ARHGEF25: variants seen among roughly 807,000 people sequenced by gnomAD.
ARHGEF25 encodes RAC/CDC42 exchange factor.
Under a neutral mutation model 74.0 loss-of-function variants are expected in ARHGEF25, and 42 were observed. That is an observed-to-expected ratio of 0.57 (90% CI 0.44 to 0.73). ARHGEF25 has a LOEUF of 0.73. Among genes scored for constraint, ARHGEF25 ranks in the 30% least tolerant of loss-of-function variants. The pLI, the probability that ARHGEF25 is intolerant of heterozygous loss-of-function variation, is 0.00. For synonymous variants in ARHGEF25, 293 were observed against 278.6 expected (o/e 1.05, Z -0.51); for missense variants, 645 against 725.5 (o/e 0.89, Z 1.27).
rs940014418 is a variant in ARHGEF25 at position 57,613,910 on chromosome 12, C to A, written c.553-106C>A. 7.4e-6 allele frequency: 11 copies of A among 1,476,560 alleles called. No individual in the cohort carries two copies. In the African/African-American group the frequency reaches 1.1e-4, roughly 15 times the overall value. 91.5% of individuals were successfully genotyped at this position (1,476,560 alleles called of 1,614,324 possible). On this transcript the variant is annotated intron_variant, in intron 5 of 14. Transcript: ENST00000286494. ...TACTCTGGGGGCAGGGCGGCTCCCA[C>A]CAGGGAGGGGGAGGTGGAACACACC... is the stretch of plus-strand genomic sequence containing the variant.
intron 14 of ARHGEF25, 54 bp from the exon 15 acceptor site, chr12:57,616,730 A>C: frequency 7.7e-7 from 1 of 1,295,048 alleles, no homozygotes; most frequent in South Asian, 1.3e-5. Flanking sequence ...AAAAGAGAGA[A>C]GTGAGGGTAG....
Position 57,614,146 on chromosome 12 carries a change from G to C in ARHGEF25, c.656+27G>C. 1.2e-6 allele frequency: 2 copies of C among 1,611,066 alleles called. No homozygotes were observed. The highest frequency in any genetic ancestry group is 1.7e-6 in the Non-Finnish European group (2 of 1,177,458). On this transcript the variant is annotated intron_variant, in intron 6 of 14. Transcript: ENST00000286494. This position sits in a 1 kb window ranked among gnomAD's most constrained non-coding sequence, Gnocchi z 4.6. The stretch of plus-strand genomic sequence containing the variant: ...TGAGTGGTGGAACTCTGACAGCTAG[G>C]TGCTGGAGAGGGGCCCTCATCTGGT...
At chr12:57,613,541 C>T in intron 4 of ARHGEF25, 25 bp downstream of exon 4, 14 of 1,613,732 alleles carry the variant, frequency 8.7e-6, no homozygotes, top group Non-Finnish European at 1.2e-5. Flanking sequence ...CCCTTCCCTG[C>T]AGTTGCACAA....
Position 57,614,227 on chromosome 12 carries a change from T to C in ARHGEF25, c.657-104T>C, listed in dbSNP as rs1243320112. ...ACTTAAGGAATGTTTGGAGAAGTTT[T>C]GTAGGGCACACTACCAGGGCAGACA... On this transcript the variant is annotated intron_variant, in intron 6 of 14. Coordinates refer to ENST00000286494, the MANE Select transcript of ARHGEF25 (RefSeq NM_182947.4). The surrounding 1 kb of genome is among the most constrained non-coding windows in gnomAD (Gnocchi z 4.6). 17 of 1,580,242 alleles carry C rather than the reference T, an allele frequency of 1.1e-5. No individual in the cohort carries two copies. The highest frequency in any genetic ancestry group is 1.4e-5 in the Non-Finnish European group (16 of 1,150,274).
Position 57,612,891 on chromosome 12 carries a change from G to A in ARHGEF25, c.98-39G>A, listed in dbSNP as rs769212408. ...CTGGGGACCCTGAGTCTGGAGCTGGGGCAAGGTCTATCACCTCCTCTCTTT... is the reference window on the plus strand; with the variant it reads ...CTGGGGACCCTGAGTCTGGAGCTGGAGCAAGGTCTATCACCTCCTCTCTTT... On this transcript the variant is annotated intron_variant, in intron 1 of 14. Transcript: ENST00000286494. 3.1e-6 allele frequency: 5 copies of A among 1,593,396 alleles called. No individual in the cohort carries two copies. In the African/African-American group the frequency reaches 6.7e-5, roughly 21 times the overall value.
chr12:57,610,243 T>C, upstream of ARHGEF25: 1 of 1,591,728 alleles, frequency 6.3e-7, no homozygotes, highest in Non-Finnish European at 8.6e-7. Flanking sequence ...GCCCCGCCCC[T>C]GGCCGCACTG....
At position 57,613,659 on chromosome 12, in the gene ARHGEF25, G is replaced by A. The variant is rs374368333; in HGVS notation, c.486-35G>A. The A allele has an allele frequency of 8.7e-6, 14 of 1,613,014 alleles. No individual in the cohort carries two copies. In the African/African-American group the frequency reaches 1.9e-4, roughly 21 times the overall value. On this transcript the variant is annotated intron_variant, in intron 4 of 14. Transcript: ENST00000286494. ...GGCTGAACCAAGGATGAGCTCCGAC[G>A]CTGAAGTGGGGGCCTCCTCCTGCTT...
Position 57,616,368 on chromosome 12 carries a change from C to T in ARHGEF25, c.1505C>T (p.Pro502Leu). 6.2e-7 allele frequency: 1 copy of T among 1,614,092 alleles called. No homozygotes were observed. The highest frequency in any genetic ancestry group is 8.5e-7 in the Non-Finnish European group (1 of 1,180,008). The change falls in exon 14 of 15, where the codon CCT becomes CTT. Residue 502 changes from proline to leucine, a missense_variant. This residue lies in a region of ARHGEF25 where 262 missense variants were observed against 256.9 expected (regional missense o/e 1.02). Transcript: ENST00000286494. ...CCAAGAGGGCCTGGAGTGGGGAGCC[C>T]TGGAAGAATTCAGCTTGGAGATCAG... ...GRPRGPGVGS[P>L]GRIQLGDQAQ... is the part of the protein sequence containing the mutation.
rs1884176342 is a variant in ARHGEF25, at chr12:57,614,098, A to T, written c.635A>T (p.Gln212Leu). 3 of 1,614,028 alleles carry T rather than the reference A, an allele frequency of 1.9e-6. No homozygotes were observed. The highest frequency in any genetic ancestry group is 2.5e-6 in the Non-Finnish European group (3 of 1,180,038). Reference protein sequence around the residue: ...RDRIVFGNIQQIYEWHRDYFL... With the variant: ...RDRIVFGNIQLIYEWHRDYFL... ...AGGATTGTGTTTGGGAATATCCAGC[A>T]AATCTATGAGTGGCACCGAGAGTGA... Residue 212 changes from glutamine (Q) to leucine (L), a missense_variant, in exon 6 of 15, where the codon CAA becomes CTA. Gln to Leu is a moderately radical substitution (Grantham distance 113, BLOSUM62 -2). This residue lies in a region of ARHGEF25 where 194 missense variants were observed against 269.4 expected (regional missense o/e 0.72). Transcript: ENST00000286494. The surrounding 1 kb of genome is among the most constrained non-coding windows in gnomAD (Gnocchi z 4.6).
intron 2 of ARHGEF25, 37 bp from the exon 3 acceptor site, chr12:57,613,227 T>C (rs778346875): frequency 1.2e-6 from 2 of 1,612,218 alleles, no homozygotes; most frequent in South Asian, 2.2e-5. Flanking sequence ...ACCCAGCTAC[T>C]GTCCCCGACC....
At position 57,613,071 on chromosome 12, in the gene ARHGEF25, G is replaced by C. The variant is rs770383336; in HGVS notation, c.239G>C (p.Arg80Thr). Reference protein sequence around the residue: ...GPPGPVSGLRRWLDHSKHCLS... With the variant: ...GPPGPVSGLRTWLDHSKHCLS... Reference sequence around the variant, plus strand: ...CCAGGGCCCGTCAGTGGCCTGAGGAGATGGTTGGATCATTCCAAACATTGT... The same window carrying C: ...CCAGGGCCCGTCAGTGGCCTGAGGACATGGTTGGATCATTCCAAACATTGT... Residue 80 changes from arginine (R) to threonine (T), a missense_variant, in exon 2 of 15, where the codon AGA (arginine) becomes ACA (threonine). Transcript: ENST00000286494. 6.2e-7 allele frequency: 1 copy of C among 1,614,160 alleles called. No individual in the cohort carries two copies. The highest frequency in any genetic ancestry group is 2.2e-5 in the East Asian group (1 of 44,876).
Position 57,611,654 on chromosome 12 carries a change from C to T in ARHGEF25, c.-241C>T, listed in dbSNP as rs1016295794. The stretch of plus-strand genomic sequence containing the variant: ...ACCGACAGGGTTCCGGAAACCCTCC[C>T]CGCCCAGCCCGGCGGCCGGGCCCCG... On this transcript the variant is annotated 5_prime_UTR_variant, in exon 1 of 15. Transcript: ENST00000286494. The surrounding 1 kb of genome is among the most constrained non-coding windows in gnomAD (Gnocchi z 4.5). 1.8e-6 allele frequency: 2 copies of T among 1,094,124 alleles called. No individual in the cohort carries two copies. The highest frequency in any genetic ancestry group is 3.3e-5 in the African/African-American group (2 of 60,604). The allele number at this position is 1,094,124 out of a possible 1,614,324, so 67.8% of individuals were successfully genotyped here.
In ARHGEF25 at chr12:57,616,906, C is replaced by A; in HGVS notation, c.*12C>A. The A allele has an allele frequency of 6.2e-7, 1 of 1,605,620 alleles. No individual in the cohort carries two copies. ...AAGATGAGCTGTAACTGGTGAAAACCATGGGGGTGGTGCTGACTCAGCCGC... is the reference window on the plus strand; with the variant it reads ...AAGATGAGCTGTAACTGGTGAAAACAATGGGGGTGGTGCTGACTCAGCCGC... On this transcript the variant is annotated 3_prime_UTR_variant, in exon 15 of 15. Transcript: ENST00000286494.
chr12:57,615,772 G>A (rs2140224517), intron 12 of ARHGEF25, 60 bp downstream of exon 12: 4 of 1,611,108 alleles, frequency 2.5e-6, no homozygotes, highest in Non-Finnish European at 3.4e-6. Flanking sequence ...CCTCTGAGAG[G>A]ATGTCTCAGA....
rs1476308162 is a variant in ARHGEF25, at chr12:57,615,285, A to C, written c.1009A>C (p.Met337Leu). 1.2e-6 allele frequency: 2 copies of C among 1,609,340 alleles called. No homozygotes were observed. The highest frequency in any genetic ancestry group is 1.7e-6 in the Non-Finnish European group (2 of 1,177,956). Residue 337 changes from methionine (M) to leucine (L), a missense_variant, in exon 11 of 15, where the codon ATG (methionine) becomes CTG (leucine). By Grantham distance (15) the Met-to-Leu change is conservative (BLOSUM62 2). Around this residue, in one of 3 missense-constraint regions of ARHGEF25, gnomAD observed 194 missense variants for 269.4 expected, o/e 0.72. Transcript: ENST00000286494. The part of the protein sequence containing the change: ...CFVPKRCNDM[M>L]TLGRLRGFEG... ...TGTGCCCAAGCGCTGCAACGATATG[A>C]TGACGCTGGGGAGATTGCGGGGATT...
At chr12:57,610,453 C>T (rs537157527), upstream of ARHGEF25, 4 of 1,102,002 alleles carry the variant, frequency 3.6e-6, no homozygotes, top group South Asian at 4.9e-5. Context: ...AGGGCCATAG[C>T]CCCGTTCTGG....
At chr12:57,610,790 TGAGACCCA>T, upstream of ARHGEF25, 1 of 914,422 alleles carries the variant, frequency 1.1e-6, no homozygotes, top group Non-Finnish European at 1.6e-6. Flanking sequence ...CTAATTTGCA[TGAGACCCA>T]TTTAATCGCA....
chr12:57,613,775 C>G lies in ARHGEF25; in HGVS notation c.552+15C>G, dbSNP rs1326295412. On this transcript the variant is annotated intron_variant, in intron 5 of 14. Coordinates refer to ENST00000286494, the MANE Select transcript of ARHGEF25 (RefSeq NM_182947.4). Reference sequence around the variant, plus strand: ...AGATTGTGGAGGTAGCTCCCTTTACCCCTTCCCAGCCCCTCCTGCCTGCTT... The same window carrying G: ...AGATTGTGGAGGTAGCTCCCTTTACGCCTTCCCAGCCCCTCCTGCCTGCTT... 1.2e-6 allele frequency: 2 copies of G among 1,612,632 alleles called. No individual in the cohort carries two copies. The highest frequency in any genetic ancestry group is 2.7e-5 in the African/African-American group (2 of 74,862).
At position 57,615,695 on chromosome 12, in the gene ARHGEF25, T is replaced by C. The variant is rs1257043627; in HGVS notation, c.1222T>C (p.Tyr408His). The C allele has an allele frequency of 1.2e-6, 2 of 1,614,010 alleles. No homozygotes were observed. Among genetic ancestry groups the C allele is most frequent in the Non-Finnish European group, 1.7e-6 (2 of 1,180,020 alleles). Reference protein sequence around the residue: ...VRGGTQPGYVYKNSIKVSCLG... With the variant: ...VRGGTQPGYVHKNSIKVSCLG... Reference sequence around the variant, plus strand: ...AGGTGGAACACAGCCTGGATATGTATACAAGAACAGCATTAAGGTGGGGAG... The same window carrying C: ...AGGTGGAACACAGCCTGGATATGTACACAAGAACAGCATTAAGGTGGGGAG... The change falls in exon 12 of 15, where the codon TAC (tyrosine) becomes CAC (histidine). Residue 408 changes from tyrosine (Y) to histidine (H), a missense_variant. Around this residue, in one of 3 missense-constraint regions of ARHGEF25, gnomAD observed 262 missense variants for 256.9 expected, o/e 1.02. Transcript: ENST00000286494.
Sources: allele counts gnomAD v4.1 joint callset, GRCh38; gene constraint gnomAD v4.1.1; regional missense constraint gnomAD v4.1.1; non-coding constraint Gnocchi (gnomAD v3.1); transcripts MANE v1.5; gene names NCBI Gene and HGNC (gene_info 2026-07-23, HGNC 2026-07-21).